ZBTB46: variants seen among roughly 807,000 people sequenced by gnomAD.
ZBTB46 encodes zinc finger and BTB domain-containing protein 46.
In ZBTB46, 8 loss-of-function variants were observed where a neutral mutation model predicts 44.1. The observed-to-expected ratio is 0.18, with a 90% CI of 0.11 to 0.33. The LOEUF (loss-of-function observed/expected upper bound fraction) is 0.33. Ranked by LOEUF, ZBTB46 falls within the 10% of genes least tolerant of loss-of-function variation. The probability of loss-of-function intolerance (pLI) is 1.00; values close to 1 mark genes in which losing one functional copy is unlikely to be tolerated. For missense variants in ZBTB46, 651 were observed against 847.7 expected (o/e 0.77, Z 2.88); for synonymous variants, 409 against 382.3 (o/e 1.07, Z -0.81).
At chr20:63,831,300 G>GCC (rs1338322514), upstream of ZBTB46, 1 of 110,428 alleles carries the variant, frequency 9.1e-6, no homozygotes, top group African/African-American at 3.8e-5. Context: ...GGCCCCCGCC[G>GCC]CCCGCGCGCG....
intron 3 of ZBTB46, among the ~76,000 whole-genome samples, chr20:63,763,167 AG>A (rs569964170): frequency 5.5e-4 from 84 of 152,290 alleles, no homozygotes; most frequent in Non-Finnish European, 9.8e-4. Flanking sequence ...GCCAATAAAT[AG>A]TTTTTAAAAA....
chr20:63,755,123 G>T (rs1034131577), intron 3 of ZBTB46, among the ~76,000 whole-genome samples: 12 of 152,150 alleles, frequency 7.9e-5, no homozygotes, highest in Non-Finnish European at 1.8e-4. Flanking sequence ...TAAACGCCAC[G>T]GACCCAGGGC....
chr20:63,794,949 C>T (rs1246908098), intron 1 of ZBTB46, among the ~76,000 whole-genome samples: 4 of 152,220 alleles, frequency 2.6e-5, no homozygotes, highest in Non-Finnish European at 5.9e-5. Context: ...CACCCCCGTG[C>T]GCGAGGTGCC....
intron 1 of ZBTB46, among the ~76,000 whole-genome samples, chr20:63,801,937 T>C (rs2092649084): frequency 6.6e-6 from 1 of 152,168 alleles, no homozygotes; most frequent in Non-Finnish European, 1.5e-5. Context: ...TATGCCTCAA[T>C]AAAGGATTAG....
chr20:63,790,997 C>A (rs1476880055), intron 1 of ZBTB46: 1 of 608,176 alleles, frequency 1.6e-6, no homozygotes, highest in East Asian at 3.1e-5. Context: ...CCAGTGCGTC[C>A]AGGGTGGGAC....
At chr20:63,821,772 G>A (rs1221679211) in intron 1 of ZBTB46, among the ~76,000 whole-genome samples, 3 of 152,160 alleles carry the variant, frequency 2.0e-5, no homozygotes, top group Non-Finnish European at 4.4e-5. Flanking sequence ...ATAAGGTGAT[G>A]CTAAACAGAA....
At chr20:63,754,888 C>T (rs193111767) in intron 3 of ZBTB46, among the ~76,000 whole-genome samples, 166 of 151,968 alleles carry the variant, frequency 1.1e-3, no homozygotes, top group African/African-American at 3.8e-3. Context: ...CGTGAGCCAC[C>T]GCGCCTGGCC....
chr20:63,822,462 G>GGA (rs2092797645), intron 1 of ZBTB46, among the ~76,000 whole-genome samples: 1 of 152,216 alleles, frequency 6.6e-6, no homozygotes, highest in Admixed American at 6.5e-5. Context: ...CCCCGACAAA[G>GGA]GAGCACAGGA....
At chr20:63,769,703 G>A (rs1315916964) in intron 3 of ZBTB46, among the ~76,000 whole-genome samples, 1 of 152,164 alleles carries the variant, frequency 6.6e-6, no homozygotes, top group African/African-American at 2.4e-5. Flanking sequence ...GAACGCCAAG[G>A]CACGCTGGCC....
At chr20:63,759,017 C>G (rs1265844526) in intron 3 of ZBTB46, among the ~76,000 whole-genome samples, 4 of 152,234 alleles carry the variant, frequency 2.6e-5, no homozygotes, top group Non-Finnish European at 5.9e-5. Context: ...CAGGCGTGAG[C>G]CATGGTGCCC....
At chr20:63,808,727 C>T (rs1341865166) in intron 1 of ZBTB46, among the ~76,000 whole-genome samples, 1 of 152,092 alleles carries the variant, frequency 6.6e-6, no homozygotes, top group Non-Finnish European at 1.5e-5. Context: ...GTAATCCCAG[C>T]ACTTTGGGAG....
intron 2 of ZBTB46, among the ~76,000 whole-genome samples, chr20:63,788,989 T>C (rs1396462262): frequency 1.3e-5 from 2 of 151,460 alleles, no homozygotes; most frequent in Non-Finnish European, 2.9e-5. Flanking sequence ...GCTACTTTTC[T>C]GTATTTTTAG....
Position 63,746,868 on chromosome 20 carries a change from C to A in ZBTB46, c.*62G>T. 6.9e-7 allele frequency: 1 copy of A among 1,440,662 alleles called. No individual in the cohort carries two copies. Among genetic ancestry groups the A allele is most frequent in the East Asian group, 2.5e-5 (1 of 39,652 alleles). 89.2% of individuals were successfully genotyped at this position (1,440,662 alleles called of 1,614,324 possible). A position where few individuals can be genotyped will look rare whatever the true frequency, so the allele number is the denominator to read the frequency against. ...GTGGCCCTGGCCCCGCAGTGGAGAC[C>A]CACCGGACACACACACGGGTGGACG... On this transcript the variant is annotated 3_prime_UTR_variant, in exon 5 of 5. Coordinates refer to ENST00000245663, the MANE Select transcript of ZBTB46 (RefSeq NM_001369741.1).
At chr20:63,748,262 G>A (rs2092124270) in intron 4 of ZBTB46, among the ~76,000 whole-genome samples, 1 of 152,236 alleles carries the variant, frequency 6.6e-6, no homozygotes, top group African/African-American at 2.4e-5. Flanking sequence ...GCAGGGAGAT[G>A]GGGCAGCACC....
intron 3 of ZBTB46, among the ~76,000 whole-genome samples, chr20:63,763,479 C>T (rs375530047): frequency 3.3e-5 from 5 of 152,078 alleles, no homozygotes; most frequent in African/African-American, 4.8e-5. Flanking sequence ...TGGCAGAAGT[C>T]GAAGAGGGAG....
intron 1 of ZBTB46, among the ~76,000 whole-genome samples, chr20:63,825,413 A>AAC (rs766333144): frequency 6.8e-6 from 1 of 147,350 alleles, no homozygotes; most frequent in East Asian, 2.1e-4. Flanking sequence ...AAAAAAAAAA[A>AAC]AAAACCCTCC....
rs1371765750 is a variant in ZBTB46, at chr20:63,746,460, G to A, written c.*470C>T. 1 of 157,642 alleles carries A rather than the reference G, an allele frequency of 6.3e-6. No homozygotes were observed. The highest frequency in any genetic ancestry group is 2.4e-5 in the African/African-American group (1 of 41,574). The allele number at this position is 157,642 out of a possible 1,614,324, so 9.8% of individuals were successfully genotyped here. A position where few individuals can be genotyped will look rare whatever the true frequency, so the allele number is the denominator to read the frequency against. ...GGCCACGGCTGCAGCCACAGGCAGT[G>A]ACCTGGCTGCTAGGGGAGGGGAGGG... On this transcript the variant is annotated 3_prime_UTR_variant, in exon 5 of 5. Coordinates refer to ENST00000245663, the MANE Select transcript of ZBTB46 (RefSeq NM_001369741.1).
intron 1 of ZBTB46, among the ~76,000 whole-genome samples, chr20:63,793,263 A>G (rs559883179): frequency 1.4e-4 from 21 of 152,228 alleles, no homozygotes; most frequent in Non-Finnish European, 2.8e-4. Context: ...AAGAGATGAC[A>G]TTCGGAGCAG....
At chr20:63,814,664 G>A (rs867818894) in intron 1 of ZBTB46, among the ~76,000 whole-genome samples, 1 of 152,128 alleles carries the variant, frequency 6.6e-6, no homozygotes, top group Non-Finnish European at 1.5e-5. Flanking sequence ...GAGTCTGACT[G>A]TGGGTGACAA....
Sources: gnomAD v4.1 joint callset for allele counts (sites outside exome capture counted in the v4.1 genomes callset) on GRCh38, gnomAD v4.1.1 for gene constraint, MANE v1.5 for transcripts, NCBI Gene and HGNC (gene_info 2026-07-23, HGNC 2026-07-21) for gene names.